ATP1A1: variants seen among roughly 807,000 people sequenced by gnomAD.
The protein encoded by ATP1A1 is sodium/potassium-transporting ATPase subunit alpha-1.
In ATP1A1, 14 loss-of-function variants were observed where a neutral mutation model predicts 114.8. The ratio of observed to expected loss-of-function variants is 0.12; its 90% confidence interval spans 0.08 to 0.19. ATP1A1 has a LOEUF of 0.19. ATP1A1 is among the 10% of genes least tolerant of loss of function. ATP1A1 has a pLI of 1.00. For missense variants in ATP1A1, 524 were observed against 1,290.7 expected, an observed-to-expected ratio of 0.41 and a Z score of 9.10; for synonymous variants, 471 against 466.3, an observed-to-expected ratio of 1.01 and a Z score of -0.13.
Position 116,387,177 on chromosome 1 carries a change from A to T in ATP1A1, c.184-111A>T. The T allele has an allele frequency of 1.6e-6, 2 of 1,269,022 alleles. No homozygotes were observed. The highest frequency in any genetic ancestry group is 1.5e-5 in the African/African-American group (1 of 67,372). The allele number at this position is 1,269,022 out of a possible 1,614,324, so 78.6% of individuals were successfully genotyped here. On this transcript the variant is annotated intron_variant, in intron 3 of 22. Coordinates refer to ENST00000295598, the MANE Select transcript of ATP1A1 (RefSeq NM_000701.8). This position sits in a 1 kb window ranked among gnomAD's most constrained non-coding sequence, Gnocchi z 6.7. ...TTTTACCTTGGCTCTCTAGCTTGGG[A>T]CATTTTGTTTCTTCCTTAAATCCTT...
rs144872101 is a variant in ATP1A1 at position 116,393,572 on chromosome 1, C to T, written c.1509C>T (p.His503=). 1.1e-4 allele frequency: 185 copies of T among 1,614,118 alleles called. 1 individual carries two copies. The African/African-American group carries it at 2.2e-3, about 19-fold the overall frequency. ...HKNPNTSEPQ[H]LLVMKGAPER... ...ACCCCAACACATCGGAGCCCCAACA[C>T]CTGTTGGTGATGAAGGGCGCCCCAG... The change falls in exon 12 of 23, where the codon CAC becomes CAT. Residue 503 remains histidine, a synonymous_variant. Coordinates refer to ENST00000295598, the MANE Select transcript of ATP1A1 (RefSeq NM_000701.8). The surrounding 1 kb of genome is among the most constrained non-coding windows in gnomAD (Gnocchi z 5.0).
rs1399298972 is a variant in ATP1A1 at position 116,388,821 on chromosome 1, C to T, written c.636+49C>T. On this transcript the variant is annotated intron_variant, in intron 6 of 22. Coordinates refer to ENST00000295598, the MANE Select transcript of ATP1A1 (RefSeq NM_000701.8). The surrounding 1 kb of genome is among the most constrained non-coding windows in gnomAD (Gnocchi z 5.6). ...CTCATAGCTAGCTCTGCTGTTCGGG[C>T]AGCTTGATTTGAGGGGTACAGTAGC... is the stretch of plus-strand genomic sequence containing the variant. 1.4e-5 allele frequency: 22 copies of T among 1,612,720 alleles called. No homozygotes were observed. The highest frequency in any genetic ancestry group is 1.9e-5 in the Non-Finnish European group (22 of 1,179,124).
chr1:116,380,416 G>T (rs1032566108), intron 1 of ATP1A1, among the ~76,000 whole-genome samples: 1 of 152,206 alleles, frequency 6.6e-6, no homozygotes, highest in Non-Finnish European at 1.5e-5. Context: ...GAAAGCCTTC[G>T]CATCCTGCCC....
rs188192743 is a variant in ATP1A1 at position 116,385,042 on chromosome 1, T to C, written c.183+200T>C. ...TTCCCTGAAACTTTTTGAAAGTAGA[T>C]GTTATTTTCTTTTCCCTATTTTATA... On this transcript the variant is annotated intron_variant, in intron 3 of 22. Coordinates refer to ENST00000295598, the MANE Select transcript of ATP1A1 (RefSeq NM_000701.8). The surrounding 1 kb of genome is among the most constrained non-coding windows in gnomAD (Gnocchi z 4.3). The C allele has an allele frequency of 2.6e-5, 15 of 567,222 alleles. No individual in the cohort carries two copies. The Admixed American group carries it at 3.0e-4, about 11-fold the overall frequency. The allele number at this position is 567,222 out of a possible 1,614,324, so 35.1% of individuals were successfully genotyped here.
In ATP1A1 at chr1:116,396,328, T is replaced by C. The variant is rs188956658; in HGVS notation, c.1837-270T>C. Among the ~76,000 whole-genome samples the C allele has an allele frequency of 8.3e-3, 1,260 of 151,464 alleles. 10 individuals carry two copies. The highest frequency in any genetic ancestry group is 0.013 in the Non-Finnish European group (889 of 67,886). On this transcript the variant is annotated intron_variant, in intron 13 of 22. Coordinates refer to ENST00000295598, the MANE Select transcript of ATP1A1 (RefSeq NM_000701.8). ...TTTTAGTAATTTTCAAGTATTTTTA[T>C]GTAACTCTGTAGAAGGAAAAATAGA...
chr1:116,373,371 C>T lies in ATP1A1; in HGVS notation c.-141C>T, dbSNP rs1030598242. ...ATCGGCCCGAGCCGCCGGCCGCCCT[C>T]CCACCCTCCCGCCCCGCGGCAGCCC... On this transcript the variant is annotated 5_prime_UTR_variant, in exon 1 of 23. Coordinates refer to ENST00000295598, the MANE Select transcript of ATP1A1 (RefSeq NM_000701.8). 1.5e-4 allele frequency: 40 copies of T among 262,086 alleles called. No homozygotes were observed. The highest frequency in any genetic ancestry group is 7.3e-4 in the East Asian group (6 of 8,182). The allele number at this position is 262,086 out of a possible 1,614,324, so 16.2% of individuals were successfully genotyped here. A position where few individuals can be genotyped will look rare whatever the true frequency, so the allele number is the denominator to read the frequency against.
In ATP1A1 at chr1:116,373,434, C is replaced by A. The variant is rs11540947; in HGVS notation, c.-78C>A. 1 of 1,465,854 alleles carries A rather than the reference C, an allele frequency of 6.8e-7. No homozygotes were observed. Among genetic ancestry groups the A allele is most frequent in the South Asian group, 1.3e-5 (1 of 77,380 alleles). 90.8% of individuals were successfully genotyped at this position (1,465,854 alleles called of 1,614,324 possible). ...CTTGGCTCCCCTGGTCCCGCTCGCT[C>A]GGCCGGGAGCTGCTCTGTGCTTTTC... On this transcript the variant is annotated 5_prime_UTR_variant, in exon 1 of 23. Transcript: ENST00000295598.
At chr1:116,382,692 T>C (rs1651824773) in intron 1 of ATP1A1, 1 of 80,350 alleles carries the variant, frequency 1.2e-5, no homozygotes, top group Non-Finnish European at 2.4e-5. Context: ...AAGTGAACAA[T>C]GTATTTTATT....
intron 21 of ATP1A1, 43 bp from the exon 22 acceptor site, chr1:116,403,841 T>C: frequency 6.7e-7 from 1 of 1,499,134 alleles, no homozygotes; most frequent in Non-Finnish European, 9.2e-7. Context: ...TTATTTGAAC[T>C]GTGTTCGTGT....
chr1:116,385,434 T>C lies in ATP1A1; in HGVS notation c.183+592T>C, dbSNP rs1184360851. 1 of 152,998 alleles carries C rather than the reference T, an allele frequency of 6.5e-6. No individual in the cohort carries two copies. The highest frequency in any genetic ancestry group is 1.5e-5 in the Non-Finnish European group (1 of 68,642). 9.5% of individuals were successfully genotyped at this position (152,998 alleles called of 1,614,324 possible). ...AAAAGTAAATAGTCTAGGGATGTCT[T>C]ATTTCCAGATAATCACTGAAATGTC... is the stretch of plus-strand genomic sequence containing the variant. On this transcript the variant is annotated intron_variant, in intron 3 of 22. Transcript: ENST00000295598. This position sits in a 1 kb window ranked among gnomAD's most constrained non-coding sequence, Gnocchi z 4.3.
rs1652584715 is a variant in ATP1A1 at position 116,392,912 on chromosome 1, G to A, written c.1391G>A (p.Cys464Tyr). Residue 464 changes from cysteine (C) to tyrosine (Y), a missense_variant, in exon 11 of 23, where the codon TGT becomes TAT. By Grantham distance (194) the Cys-to-Tyr change is radical. Coordinates refer to ENST00000295598, the MANE Select transcript of ATP1A1 (RefSeq NM_000701.8). ...SALLKCIELC[C>Y]GSVKEMRERY... is the part of the protein sequence containing the mutation. ...CTCTTAAAGTGCATAGAGCTGTGCT[G>A]TGGTTCCGTGAAGGAGATGAGAGAA... The A allele has an allele frequency of 1.2e-6, 2 of 1,614,186 alleles. No individual in the cohort carries two copies. The highest frequency in any genetic ancestry group is 1.7e-5 in the Admixed American group (1 of 60,014).
intron 10 of ATP1A1, 181 bp from the exon 11 acceptor site, chr1:116,392,673 G>C: frequency 1.6e-6 from 1 of 636,978 alleles, no homozygotes; most frequent in Non-Finnish European, 2.6e-6. Flanking sequence ...GAAGCACTGT[G>C]AACAGCAGTG....
chr1:116,404,298 T>G lies in ATP1A1; in HGVS notation c.3044-118T>G. ...TACAGTTGAGGTCCCATGTTTGGATTTTAACACACCCGACCCCCATCATCC... is the reference window on the plus strand; with the variant it reads ...TACAGTTGAGGTCCCATGTTTGGATGTTAACACACCCGACCCCCATCATCC... On this transcript the variant is annotated intron_variant, in intron 22 of 22. Coordinates refer to ENST00000295598, the MANE Select transcript of ATP1A1 (RefSeq NM_000701.8). This position sits in a 1 kb window ranked among gnomAD's most constrained non-coding sequence, Gnocchi z 4.8. The G allele has an allele frequency of 7.7e-7, 1 of 1,298,956 alleles. No individual in the cohort carries two copies. The highest frequency in any genetic ancestry group is 1.1e-6 in the Non-Finnish European group (1 of 912,000). 80.5% of individuals were successfully genotyped at this position (1,298,956 alleles called of 1,614,324 possible).
intron 1 of ATP1A1, chr1:116,373,823 A>G (rs1570936630): frequency 1.9e-6 from 2 of 1,057,358 alleles, no homozygotes; most frequent in South Asian, 4.0e-5. Context: ...GGGCTCCGAG[A>G]GGCGGTGCTT....
chr1:116,404,521 G>T lies in ATP1A1; in HGVS notation c.*77G>T. On this transcript the variant is annotated 3_prime_UTR_variant, in exon 23 of 23. Transcript: ENST00000295598. The surrounding 1 kb of genome is among the most constrained non-coding windows in gnomAD (Gnocchi z 4.8). ...ACCCACCCCCTCTTTGTGTACTTCA[G>T]TCTTGGAGTTTGGAACTCTACCCTG... 1 of 1,536,014 alleles carries T rather than the reference G, an allele frequency of 6.5e-7. No homozygotes were observed. The highest frequency in any genetic ancestry group is 8.7e-7 in the Non-Finnish European group (1 of 1,148,034).
chr1:116,401,778 G>A lies in ATP1A1; in HGVS notation c.2951+123G>A. 1 of 967,124 alleles carries A rather than the reference G, an allele frequency of 1.0e-6. No individual in the cohort carries two copies. The highest frequency in any genetic ancestry group is 1.6e-6 in the Non-Finnish European group (1 of 634,072). The allele number at this position is 967,124 out of a possible 1,614,324, so 59.9% of individuals were successfully genotyped here. A position where few individuals can be genotyped will look rare whatever the true frequency, so the allele number is the denominator to read the frequency against. ...AGTGGTATGTACAAAAATTCCTATG[G>A]GTTGGAAAACTGTGAAAGCTTGACA... is the stretch of plus-strand genomic sequence containing the variant. On this transcript the variant is annotated intron_variant, in intron 21 of 22. Transcript: ENST00000295598. This position sits in a 1 kb window ranked among gnomAD's most constrained non-coding sequence, Gnocchi z 4.7.
At chr1:116,396,159 A>G (rs1397683145) in intron 13 of ATP1A1, among the ~76,000 whole-genome samples, 3 of 152,204 alleles carry the variant, frequency 2.0e-5, no homozygotes, top group African/African-American at 7.2e-5. Flanking sequence ...CTGCATCAAA[A>G]AATAACAATT....
chr1:116,383,349 G>A, intron 1 of ATP1A1: 1 of 1,058,214 alleles, frequency 9.4e-7, no homozygotes, highest in Non-Finnish European at 1.2e-6. Flanking sequence ...TCTTATGTGA[G>A]CACTAAAGAT....
intron 3 of ATP1A1, among the ~76,000 whole-genome samples, chr1:116,386,791 C>T (rs1181338602): frequency 6.6e-6 from 1 of 152,120 alleles, no homozygotes; most frequent in South Asian, 2.1e-4. Flanking sequence ...AAGAATCAAG[C>T]TGTATATTTA....
Sources: allele counts gnomAD v4.1 joint callset (sites outside exome capture counted in the v4.1 genomes callset), GRCh38; gene constraint gnomAD v4.1.1; non-coding constraint Gnocchi (gnomAD v3.1); transcripts MANE v1.5; gene names NCBI Gene and HGNC (gene_info 2026-07-23, HGNC 2026-07-21).